The following CABLES1 variants were observed in gnomAD, a reference collection of about 807,000 sequenced individuals.
CABLES1 encodes CDK5 and ABL1 enzyme substrate 1.
CABLES1 carries 36 observed loss-of-function variants against 57.8 expected under a neutral mutation model. That is an observed-to-expected ratio of 0.62 (90% CI 0.48 to 0.82). CABLES1 has a LOEUF of 0.82. CABLES1 is among the 40% of genes least tolerant of loss of function. The pLI is 0.00. For missense variants in CABLES1, 767 were observed against 836.6 expected (o/e 0.92, Z 1.03); for synonymous variants, 374 against 363.0 (o/e 1.03, Z -0.35).
intron 1 of CABLES1, among the ~76,000 whole-genome samples, chr18:23,147,326 C>A (rs182938219): frequency 6.6e-6 from 1 of 152,238 alleles, no homozygotes; most frequent in Admixed American, 6.5e-5. Context: ...TTGGACAACA[C>A]GCTTAACCAC....
intron 1 of CABLES1, among the ~76,000 whole-genome samples, chr18:23,178,330 G>A (rs1568055441): frequency 6.6e-6 from 1 of 152,108 alleles, no homozygotes; most frequent in Non-Finnish European, 1.5e-5. Context: ...ACGAGGCCAA[G>A]TATGAATTAG....
intron 1 of CABLES1, among the ~76,000 whole-genome samples, chr18:23,161,001 C>G (rs1489184531): frequency 6.6e-6 from 1 of 151,992 alleles, no homozygotes; most frequent in African/African-American, 2.4e-5. Flanking sequence ...CCATTGCACT[C>G]CAGCCTGGGT....
chr18:23,195,135 C>T (rs569452426), intron 3 of CABLES1, among the ~76,000 whole-genome samples: 2 of 152,266 alleles, frequency 1.3e-5, no homozygotes, highest in East Asian at 3.9e-4. Context: ...TTTATATGAC[C>T]GTGATATTAA....
chr18:23,166,364 G>A (rs921676108), intron 1 of CABLES1, among the ~76,000 whole-genome samples: 3 of 151,994 alleles, frequency 2.0e-5, no homozygotes, highest in African/African-American at 7.2e-5. Flanking sequence ...CACCATGCCT[G>A]GCTATTTTTG....
chr18:23,154,448 G>A (rs566160231), intron 1 of CABLES1, among the ~76,000 whole-genome samples: 2 of 152,166 alleles, frequency 1.3e-5, no homozygotes, highest in African/African-American at 2.4e-5. Context: ...CACATCTGCC[G>A]ATTCCTTAAT....
intron 1 of CABLES1, among the ~76,000 whole-genome samples, chr18:23,176,650 C>T (rs564768991): frequency 1.3e-5 from 2 of 152,072 alleles, no homozygotes; most frequent in African/African-American, 4.8e-5. Context: ...TGAGGTAATT[C>T]GGATAGACAA....
In CABLES1 at chr18:23,180,890, A is replaced by C. The variant is rs555664702; in HGVS notation, c.846-7948A>C. 3.9e-5 allele frequency among the ~76,000 whole-genome samples: 6 copies of C among 152,298 alleles called. No individual in the cohort carries two copies. The East Asian group carries it at 7.7e-4, about 20-fold the overall frequency. On this transcript the variant is annotated intron_variant, in intron 1 of 9. Coordinates refer to ENST00000256925, the MANE Select transcript of CABLES1 (RefSeq NM_001100619.3). ...GCAGGGGATGGAGGCTTCCGCCCAG[A>C]AAGTCAGAGATTCTGTAACAAAAAA... is the stretch of plus-strand genomic sequence containing the variant.
chr18:23,178,820 G>A (rs1437921155), intron 1 of CABLES1, among the ~76,000 whole-genome samples: 1 of 152,184 alleles, frequency 6.6e-6, no homozygotes, highest in Non-Finnish European at 1.5e-5. Context: ...GGCAAGCCAA[G>A]AGCCTTTTGT....
chr18:23,188,766 T>A, intron 1 of CABLES1, 72 bp from the exon 2 acceptor site: 1 of 1,099,244 alleles, frequency 9.1e-7, no homozygotes, highest in Non-Finnish European at 1.4e-6. Context: ...AGGGTAGTTT[T>A]AGATTTGCAC....
chr18:23,191,476 G>A (rs918888890), intron 2 of CABLES1, among the ~76,000 whole-genome samples: 2 of 152,124 alleles, frequency 1.3e-5, no homozygotes, highest in Non-Finnish European at 2.9e-5. Context: ...TTGGCTGATC[G>A]CTGAAGCCTT....
chr18:23,155,671 T>G (rs2046960523), intron 1 of CABLES1, among the ~76,000 whole-genome samples: 1 of 152,208 alleles, frequency 6.6e-6, no homozygotes, highest in Non-Finnish European at 1.5e-5. Context: ...CACAAGGGTA[T>G]TTCTGTCTGG....
chr18:23,188,921 T>C lies in CABLES1; in HGVS notation c.917+12T>C. 6.3e-7 allele frequency: 1 copy of C among 1,595,560 alleles called. No individual in the cohort carries two copies. The highest frequency in any genetic ancestry group is 1.3e-5 in the African/African-American group (1 of 74,662). On this transcript the variant is annotated intron_variant, in intron 2 of 9. Transcript: ENST00000256925. ...GCCCCTCTCCGGAGGTAATTTTCTG[T>C]TTCATTTATGTATATGTAAACAGTA...
intron 3 of CABLES1, chr18:23,198,147 C>G (rs965781393): frequency 6.6e-6 from 1 of 151,906 alleles, no homozygotes. Context: ...GTGGTCCCAG[C>G]TATTAGGGAG....
At chr18:23,241,315 G>T (rs2047730998) in intron 7 of CABLES1, among the ~76,000 whole-genome samples, 1 of 151,958 alleles carries the variant, frequency 6.6e-6, no homozygotes, top group East Asian at 1.9e-4. Context: ...GGGATCACTT[G>T]AGGTCAAGAG....
At chr18:23,151,193 A>AT (rs980626117) in intron 1 of CABLES1, among the ~76,000 whole-genome samples, 7 of 151,410 alleles carry the variant, frequency 4.6e-5, no homozygotes, top group African/African-American at 1.7e-4. Context: ...TAATTTTTGT[A>AT]TTTTTTAGTA....
chr18:23,172,741 T>C (rs1442498684), intron 1 of CABLES1, among the ~76,000 whole-genome samples: 1 of 152,250 alleles, frequency 6.6e-6, no homozygotes, highest in Non-Finnish European at 1.5e-5. Flanking sequence ...GCTCTCATGC[T>C]GCAAATTCAC....
At position 23,136,353 on chromosome 18, in the gene CABLES1, C is replaced by T. The variant is rs781756107; in HGVS notation, c.591C>T (p.Leu197=). 1.9e-5 allele frequency: 28 copies of T among 1,481,638 alleles called. 1 individual carries two copies. Among genetic ancestry groups the T allele is most frequent in the Middle Eastern group, 3.8e-4 (2 of 5,292 alleles). 91.8% of individuals were successfully genotyped at this position (1,481,638 alleles called of 1,614,324 possible). A position where few individuals can be genotyped will look rare whatever the true frequency, so the allele number is the denominator to read the frequency against. ...CCGCCTGTGCCCAACTGCAGCTGCT[C>T]GACGGGTCCGGGGCCGCCGGGCAGG... is the stretch of plus-strand genomic sequence containing the variant. ...PLAACAQLQL[L]DGSGAAGQEE... Residue 197 remains leucine (L), a synonymous_variant, in exon 1 of 10, where the codon CTC becomes CTT. Coordinates refer to ENST00000256925, the MANE Select transcript of CABLES1 (RefSeq NM_001100619.3).
intron 1 of CABLES1, among the ~76,000 whole-genome samples, chr18:23,161,974 T>C (rs1271871565): frequency 6.6e-6 from 1 of 151,630 alleles, no homozygotes; most frequent in Non-Finnish European, 1.5e-5. Context: ...GAGACCAGCC[T>C]GACCAACATG....
intron 1 of CABLES1, among the ~76,000 whole-genome samples, chr18:23,142,216 C>T (rs1190138824): frequency 1.3e-5 from 2 of 152,186 alleles, no homozygotes; most frequent in African/African-American, 4.8e-5. Flanking sequence ...ATGGGCAGAA[C>T]ATGTAACTAA....
Sources: allele counts gnomAD v4.1 joint callset (sites outside exome capture counted in the v4.1 genomes callset), GRCh38; gene constraint gnomAD v4.1.1; transcripts MANE v1.5; gene names NCBI Gene and HGNC (gene_info 2026-07-23, HGNC 2026-07-21).